The following PRR5L variants were observed in gnomAD, a reference collection of about 807,000 sequenced individuals.
The protein encoded by PRR5L is proline rich 5 like.
Under a neutral mutation model 36.4 loss-of-function variants are expected in PRR5L, and 21 were observed. That is an observed-to-expected ratio of 0.58 (90% CI 0.41 to 0.83). The LOEUF is 0.83. PRR5L is among the 40% of genes least tolerant of loss of function. The pLI, the probability that PRR5L is intolerant of heterozygous loss-of-function variation, is 0.00. For missense variants in PRR5L, 381 were observed against 473.3 expected, an observed-to-expected ratio of 0.80 and a Z score of 1.81; for synonymous variants, 188 against 197.0, an observed-to-expected ratio of 0.95 and a Z score of 0.38.
chr11:36,373,550 G>A (rs966908270), intron 1 of PRR5L, among the ~76,000 whole-genome samples: 3 of 149,866 alleles, frequency 2.0e-5, no homozygotes, highest in African/African-American at 7.4e-5. Context: ...GGTGAGCTAT[G>A]ATTAAGACAC....
intron 1 of PRR5L, among the ~76,000 whole-genome samples, chr11:36,372,072 A>T (rs1816924): frequency 0.97 from 147,807 of 152,234 alleles, 71,911 homozygotes; most frequent in East Asian, 1. Flanking sequence ...AAATAAAAAA[A>T]AATAATAATA....
intron 8 of PRR5L, chr11:36,454,092 C>T (rs951951544): frequency 1.5e-4 from 23 of 152,364 alleles, no homozygotes; most frequent in Non-Finnish European, 2.5e-4. Flanking sequence ...ACAGGGGAAG[C>T]AAGTGAGGAT....
chr11:36,429,891 G>A (rs1004034458), intron 4 of PRR5L, among the ~76,000 whole-genome samples: 28 of 152,214 alleles, frequency 1.8e-4, no homozygotes, highest in Non-Finnish European at 3.8e-4. Flanking sequence ...TCGATTTGGT[G>A]CTGATGTATT....
rs147455221 is a variant in PRR5L, at chr11:36,350,262, A to C, written c.-125-50735A>C. On this transcript the variant is annotated intron_variant, in intron 1 of 8. Transcript: ENST00000530639. ...AGTGAGTGTGTGTGTGGGATGGGTG[A>C]GTGTGTGGATGTGTGAGTCTGTGAA... 3.5e-3 allele frequency among the ~76,000 whole-genome samples: 491 copies of C among 140,948 alleles called. 1 individual carries two copies. The highest frequency in any genetic ancestry group is 0.013 in the African/African-American group (466 of 37,262). The allele number at this position is 140,948 out of a possible 152,430, so 92.5% of individuals were successfully genotyped here.
chr11:36,378,305 C>G (rs529205362), intron 1 of PRR5L, among the ~76,000 whole-genome samples: 3 of 152,276 alleles, frequency 2.0e-5, no homozygotes, highest in African/African-American at 7.2e-5. Flanking sequence ...GTCTGTGGAA[C>G]CTGGCTGGTT....
chr11:36,407,855 T>C (rs1857942641), intron 3 of PRR5L, among the ~76,000 whole-genome samples: 1 of 152,184 alleles, frequency 6.6e-6, no homozygotes, highest in African/African-American at 2.4e-5. Context: ...TCTTTGAAAA[T>C]AGACTCTAGT....
chr11:36,320,214 A>C (rs1267749770), intron 1 of PRR5L, among the ~76,000 whole-genome samples: 1 of 151,988 alleles, frequency 6.6e-6, no homozygotes, highest in Non-Finnish European at 1.5e-5. Context: ...CTTCAAGAAC[A>C]AAAAGAAGGT....
intron 4 of PRR5L, chr11:36,425,654 G>T (rs904781141): frequency 6.6e-6 from 1 of 152,112 alleles, no homozygotes; most frequent in Non-Finnish European, 1.5e-5. Flanking sequence ...CTTCTCGCGG[G>T]TCTCATCACA....
intron 5 of PRR5L, among the ~76,000 whole-genome samples, chr11:36,434,570 C>A (rs1014085104): frequency 6.6e-6 from 1 of 152,138 alleles, no homozygotes; most frequent in Non-Finnish European, 1.5e-5. Context: ...TTTTCCAGAG[C>A]CTTAGTGACC....
At chr11:36,313,385 G>A (rs1026734600) in intron 1 of PRR5L, among the ~76,000 whole-genome samples, 1 of 152,166 alleles carries the variant, frequency 6.6e-6, no homozygotes, top group African/African-American at 2.4e-5. Context: ...AGAAGTTTAA[G>A]CTACGCCAAT....
At chr11:36,327,631 G>T (rs915664580) in intron 1 of PRR5L, among the ~76,000 whole-genome samples, 1 of 152,064 alleles carries the variant, frequency 6.6e-6, no homozygotes, top group Non-Finnish European at 1.5e-5. Context: ...ACTTTTAAAG[G>T]TCTGAATAGA....
At chr11:36,366,805 G>A (rs886249297) in intron 1 of PRR5L, among the ~76,000 whole-genome samples, 8 of 152,090 alleles carry the variant, frequency 5.3e-5, no homozygotes, top group Non-Finnish European at 1.2e-4. Flanking sequence ...AGGAATTTTT[G>A]ATTGGGTCTC....
chr11:36,316,450 C>T (rs1356301206), intron 1 of PRR5L, among the ~76,000 whole-genome samples: 1 of 152,108 alleles, frequency 6.6e-6, no homozygotes, highest in Non-Finnish European at 1.5e-5. Flanking sequence ...TCTCCCAGAG[C>T]ATTTGGGGAT....
intron 8 of PRR5L, among the ~76,000 whole-genome samples, chr11:36,460,091 G>A (rs1369572687): frequency 1.3e-5 from 2 of 152,148 alleles, no homozygotes; most frequent in African/African-American, 2.4e-5. Flanking sequence ...CACAGGTGTG[G>A]TGGGTGAGTA....
chr11:36,356,840 T>A (rs2133498293), intron 1 of PRR5L, among the ~76,000 whole-genome samples: 1 of 152,268 alleles, frequency 6.6e-6, no homozygotes, highest in Admixed American at 6.5e-5. Flanking sequence ...CACAATATTA[T>A]TGAAATTAGC....
intron 1 of PRR5L, among the ~76,000 whole-genome samples, chr11:36,363,483 G>A (rs903503273): frequency 2.6e-5 from 4 of 152,132 alleles, no homozygotes; most frequent in South Asian, 4.1e-4. Context: ...GCTCCTCACC[G>A]CTTCCTTAGA....
At chr11:36,335,502 A>G (rs929518652) in intron 1 of PRR5L, among the ~76,000 whole-genome samples, 7 of 152,166 alleles carry the variant, frequency 4.6e-5, no homozygotes, top group Admixed American at 2.6e-4. Flanking sequence ...CTGTTTTCCT[A>G]TAAGGGAAAT....
chr11:36,382,367 T>C (rs898199388), intron 1 of PRR5L, among the ~76,000 whole-genome samples: 1 of 152,230 alleles, frequency 6.6e-6, no homozygotes, highest in Non-Finnish European at 1.5e-5. Flanking sequence ...TTTCCCTATT[T>C]ACAAAGTAAT....
Position 36,397,285 on chromosome 11 carries a change from C to T in PRR5L, c.-125-3712C>T, listed in dbSNP as rs61282393. Among the ~76,000 whole-genome samples the T allele has an allele frequency of 8.7e-3, 1,239 of 143,190 alleles. 20 individuals carry two copies. The highest frequency in any genetic ancestry group is 0.031 in the African/African-American group (1,187 of 38,102). The allele number at this position is 143,190 out of a possible 152,430, so 93.9% of individuals were successfully genotyped here. A position where few individuals can be genotyped will look rare whatever the true frequency, so the allele number is the denominator to read the frequency against. On this transcript the variant is annotated intron_variant, in intron 1 of 8. Transcript: ENST00000530639. ...TTCACCGTGTTGGTCAGTCTGATTT[C>T]GAACTCCTGCCCTCGAGATCTACCC... is the stretch of plus-strand genomic sequence containing the variant.
Sources: allele counts gnomAD v4.1 joint callset (sites outside exome capture counted in the v4.1 genomes callset), GRCh38; gene constraint gnomAD v4.1.1; transcripts MANE v1.5; gene names NCBI Gene and HGNC (gene_info 2026-07-23, HGNC 2026-07-21).